Variants in MTM1 observed in about 807,000 individuals in gnomAD.
The protein encoded by MTM1 is myotubularin.
In MTM1, 9 loss-of-function variants were observed where a neutral mutation model predicts 52.1. That is an observed-to-expected ratio of 0.17 (90% CI 0.10 to 0.30). The LOEUF (loss-of-function observed/expected upper bound fraction) is 0.30. Among genes scored for constraint, MTM1 ranks in the 10% least tolerant of loss-of-function variants. The probability of loss-of-function intolerance (pLI) is 1.00; values close to 1 mark genes in which losing one functional copy is unlikely to be tolerated. For missense variants in MTM1, 277 were observed against 470.7 expected, an observed-to-expected ratio of 0.59 and a Z score of 3.81; for synonymous variants, 136 against 163.8, an observed-to-expected ratio of 0.83 and a Z score of 1.29.
intron 1 of MTM1, among the ~76,000 whole-genome samples, chrX:150,592,008 A>C (rs1401241559): frequency 8.9e-6 from 1 of 112,605 alleles, no homozygotes; most frequent in Non-Finnish European, 1.9e-5. Context: ...GAATGCTTTC[A>C]TTTATGCCTG....
chrX:150,631,586 C>G (rs2039667650), intron 6 of MTM1, among the ~76,000 whole-genome samples: 2 of 95,574 alleles, frequency 2.1e-5, no homozygotes, highest in African/African-American at 7.9e-5. Flanking sequence ...TTGCTTGAAC[C>G]TGGGAGGCAG....
At chrX:150,581,672 C>T (rs2038587122) in intron 1 of MTM1, among the ~76,000 whole-genome samples, 1 of 111,538 alleles carries the variant, frequency 9.0e-6, no homozygotes, top group African/African-American at 3.3e-5. Context: ...ATGATGTCCT[C>T]ATTTTAATAT....
At chrX:150,580,210 T>C (rs1231508042) in intron 1 of MTM1, among the ~76,000 whole-genome samples, 1 of 111,885 alleles carries the variant, frequency 8.9e-6, no homozygotes, top group African/African-American at 3.3e-5. Context: ...ATTACGTTAA[T>C]AGAAGCCACG....
At chrX:150,647,153 A>G (rs2039943913) in intron 9 of MTM1, among the ~76,000 whole-genome samples, 1 of 104,499 alleles carries the variant, frequency 9.6e-6, no homozygotes, top group African/African-American at 3.6e-5. Context: ...TTAATTTTAT[A>G]TATCTGTGTA....
chrX:150,605,527 T>C (rs1367456395), intron 4 of MTM1, among the ~76,000 whole-genome samples: 1 of 112,761 alleles, frequency 8.9e-6, no homozygotes, highest in African/African-American at 3.2e-5. Context: ...CAAAGATTCT[T>C]GAATCCTTTT....
chrX:150,583,301 T>A lies in MTM1; in HGVS notation c.-10-9304T>A, dbSNP rs1265897682. ...ATTATAAATATATATAAATTATATA[T>A]ATTATATATAATTATAAATATATAT... On this transcript the variant is annotated intron_variant, in intron 1 of 14. Coordinates refer to ENST00000370396, the MANE Select transcript of MTM1 (RefSeq NM_000252.3). Among the ~76,000 whole-genome samples, 85 of 50,844 alleles carry A rather than the reference T, an allele frequency of 1.7e-3. 3 individuals carry two copies. Among genetic ancestry groups the A allele is most frequent in the Admixed American group, 3.7e-3 (9 of 2,448 alleles). 44.2% of individuals were successfully genotyped at this position (50,844 alleles called of 115,157 possible). A position where few individuals can be genotyped will look rare whatever the true frequency, so the allele number is the denominator to read the frequency against.
At chrX:150,627,839 A>G (rs2039596435) in intron 6 of MTM1, among the ~76,000 whole-genome samples, 1 of 112,156 alleles carries the variant, frequency 8.9e-6, no homozygotes, top group African/African-American at 3.2e-5. Flanking sequence ...ATCTTGAAGC[A>G]TGACTGGTTT....
chrX:150,625,978 A>G (rs1338452365), intron 6 of MTM1, among the ~76,000 whole-genome samples: 2 of 112,711 alleles, frequency 1.8e-5, no homozygotes, highest in African/African-American at 6.4e-5. Context: ...CATGCAAAGG[A>G]TGGAAGCAAG....
At chrX:150,634,160 G>A (rs1010407822) in intron 6 of MTM1, among the ~76,000 whole-genome samples, 13 of 112,724 alleles carry the variant, frequency 1.2e-4, no homozygotes, top group Middle Eastern at 9.3e-3. Context: ...ATTGGGTGCT[G>A]TTAACATCAT....
intron 4 of MTM1, among the ~76,000 whole-genome samples, chrX:150,614,034 C>A (rs781851194): frequency 8.9e-6 from 1 of 112,054 alleles, no homozygotes; most frequent in Non-Finnish European, 1.9e-5. Context: ...TAACAGCAGT[C>A]GGAATCAAGT....
chrX:150,637,864 A>G lies in MTM1; in HGVS notation c.445-1079A>G, dbSNP rs782378418. On this transcript the variant is annotated intron_variant, in intron 6 of 14. Coordinates refer to ENST00000370396, the MANE Select transcript of MTM1 (RefSeq NM_000252.3). Reference sequence around the variant, plus strand: ...TGAGAGCAGAGATGTGGCGGGGGAGATGGCCAGATGGCAGACAGCTGCATA... The same window carrying G: ...TGAGAGCAGAGATGTGGCGGGGGAGGTGGCCAGATGGCAGACAGCTGCATA... Among the ~76,000 whole-genome samples the G allele has an allele frequency of 1.2e-4, 13 of 111,692 alleles. No homozygotes were observed. In the South Asian group the frequency reaches 4.9e-3, roughly 42 times the overall value.
intron 1 of MTM1, among the ~76,000 whole-genome samples, chrX:150,578,065 A>G (rs1557411711): frequency 8.9e-6 from 1 of 111,917 alleles, no homozygotes; most frequent in Admixed American, 9.5e-5. Context: ...TAAGGTCACA[A>G]CCAGTAGATT....
chrX:150,562,877 G>A, the MTM1 span, among the ~76,000 whole-genome samples: 4 of 111,118 alleles, frequency 3.6e-5, no homozygotes, highest in Admixed American at 9.5e-5. Context: ...TGGCTTTCAC[G>A]GTCTCCTGGA....
At chrX:150,661,315 C>T (rs781997666) in intron 13 of MTM1, among the ~76,000 whole-genome samples, 18 of 111,880 alleles carry the variant, frequency 1.6e-4, no homozygotes, top group African/African-American at 3.9e-4. Flanking sequence ...TGAACCACTG[C>T]GCCCAGCCTG....
chrX:150,568,547 C>A, upstream of MTM1: 1 of 114,305 alleles, frequency 8.7e-6, no homozygotes, highest in South Asian at 3.4e-4. Context: ...CACGGGGAGG[C>A]GGGCAGCGGG....
chrX:150,649,360 T>C (rs1238300747), intron 9 of MTM1, among the ~76,000 whole-genome samples: 1 of 112,569 alleles, frequency 8.9e-6, no homozygotes, highest in Non-Finnish European at 1.9e-5. Context: ...GCCTTCCCCC[T>C]GAAGAGTACT....
chrX:150,596,261 T>G (rs782232354), intron 2 of MTM1, among the ~76,000 whole-genome samples: 18 of 112,328 alleles, frequency 1.6e-4, no homozygotes, highest in African/African-American at 5.8e-4. Context: ...AGTTTAAAAA[T>G]TAATATTATT....
chrX:150,583,895 TTG>T lies in MTM1; in HGVS notation c.-10-8709_-10-8708del, dbSNP rs1318513208. Among the ~76,000 whole-genome samples the T allele has an allele frequency of 4.1e-3, 137 of 33,072 alleles. 5 individuals carry two copies. Among genetic ancestry groups the T allele is most frequent in the African/African-American group, 0.013 (53 of 4,068 alleles). The allele number at this position is 33,072 out of a possible 115,157, so 28.7% of individuals were successfully genotyped here. The stretch of plus-strand genomic sequence containing the variant: ...ATATATATTAAATATATATATATAT[TTG>T]ATATATATATATATAATATAAAATA... On this transcript the variant is annotated intron_variant, in intron 1 of 14. Coordinates refer to ENST00000370396, the MANE Select transcript of MTM1 (RefSeq NM_000252.3).
chrX:150,668,419 G>A (rs1557415040), intron 14 of MTM1, among the ~76,000 whole-genome samples: 1 of 110,073 alleles, frequency 9.1e-6, no homozygotes, highest in Non-Finnish European at 1.9e-5. Context: ...AGATACAGTG[G>A]CTCACATCTG....
Sources: allele counts gnomAD v4.1 joint callset (sites outside exome capture counted in the v4.1 genomes callset), GRCh38; gene constraint gnomAD v4.1.1; transcripts MANE v1.5; gene names NCBI Gene and HGNC (gene_info 2026-07-23, HGNC 2026-07-21).